The following CNOT6L variants were observed in gnomAD, a reference collection of about 807,000 sequenced individuals.
CNOT6L encodes the protein CCR4-NOT transcription complex subunit 6-like.
Under a neutral mutation model 64.0 loss-of-function variants are expected in CNOT6L, and 7 were observed. The ratio of observed to expected loss-of-function variants is 0.11; its 90% CI spans 0.06 to 0.21. CNOT6L has a LOEUF of 0.21. Among genes scored for constraint, CNOT6L ranks in the 10% least tolerant of loss-of-function variants. The pLI, the probability that CNOT6L is intolerant of heterozygous loss-of-function variation, is 1.00. For missense variants in CNOT6L, 245 were observed against 669.0 expected (o/e 0.37, Z 6.99); for synonymous variants, 193 against 243.4 (o/e 0.79, Z 1.93).
chr4:77,804,603 T>C (rs1008328644), intron 1 of CNOT6L, among the ~76,000 whole-genome samples: 1 of 151,852 alleles, frequency 6.6e-6, no homozygotes, highest in Non-Finnish European at 1.5e-5. Context: ...TGTCAATGGA[T>C]GGGGTAACTG....
intron 9 of CNOT6L, 72 bp downstream of exon 9, chr4:77,731,315 T>G: frequency 2.7e-6 from 4 of 1,460,052 alleles, no homozygotes; most frequent in Non-Finnish European, 3.8e-6. Context: ...CAAAATTCTC[T>G]TCACTTGTTT....
At chr4:77,722,084 G>T (rs1232389040) in intron 11 of CNOT6L, among the ~76,000 whole-genome samples, 1 of 151,988 alleles carries the variant, frequency 6.6e-6, no homozygotes, top group East Asian at 1.9e-4. Context: ...GTCAAAAAAT[G>T]ATAGGATCAT....
chr4:77,743,663 G>A (rs1191182322), intron 7 of CNOT6L, among the ~76,000 whole-genome samples: 1 of 122,350 alleles, frequency 8.2e-6, no homozygotes, highest in Non-Finnish European at 1.6e-5. Flanking sequence ...GTGCAGTGGT[G>A]CAATCTCTGA....
intron 4 of CNOT6L, among the ~76,000 whole-genome samples, chr4:77,762,653 A>C (rs1019066905): frequency 6.6e-6 from 1 of 152,178 alleles, no homozygotes; most frequent in Non-Finnish European, 1.5e-5. Context: ...CATTATATGG[A>C]TGTGCCACAG....
intron 1 of CNOT6L, among the ~76,000 whole-genome samples, chr4:77,814,920 T>C (rs1200305630): frequency 1.3e-5 from 2 of 152,188 alleles, no homozygotes; most frequent in African/African-American, 2.4e-5. Context: ...AAAAGAAAGT[T>C]GTAGTATTTT....
At position 77,786,957 on chromosome 4, in the gene CNOT6L, C is replaced by G. The variant is rs553768165; in HGVS notation, c.6-10565G>C. 9.2e-5 allele frequency among the ~76,000 whole-genome samples: 14 copies of G among 152,002 alleles called. No homozygotes were observed. In the South Asian group the frequency reaches 2.9e-3, roughly 32 times the overall value. ...CATTTTCCTCATGTAAAGAATTTGCCATCCATAAGAGTCTAATAATAAATG... is the reference window on the plus strand; with the variant it reads ...CATTTTCCTCATGTAAAGAATTTGCGATCCATAAGAGTCTAATAATAAATG... On this transcript the variant is annotated intron_variant, in intron 1 of 11. Coordinates refer to ENST00000504123, the MANE Select transcript of CNOT6L (RefSeq NM_144571.3).
At chr4:77,787,955 T>C (rs1449582461) in intron 1 of CNOT6L, among the ~76,000 whole-genome samples, 1 of 152,178 alleles carries the variant, frequency 6.6e-6, no homozygotes, top group East Asian at 1.9e-4. Flanking sequence ...ATATATGCCT[T>C]CAATAAATCC....
intron 4 of CNOT6L, among the ~76,000 whole-genome samples, chr4:77,769,665 T>G (rs1279228793): frequency 6.6e-6 from 1 of 152,172 alleles, no homozygotes; most frequent in Non-Finnish European, 1.5e-5. Context: ...AAATATTGGC[T>G]AATAGGAGAA....
chr4:77,730,040 A>G (rs1288160547), intron 9 of CNOT6L, among the ~76,000 whole-genome samples: 1 of 152,084 alleles, frequency 6.6e-6, no homozygotes, highest in Non-Finnish European at 1.5e-5. Context: ...CCATTGGACT[A>G]TCCGTAAACA....
intron 1 of CNOT6L, among the ~76,000 whole-genome samples, chr4:77,791,121 T>TA (rs1450626793): frequency 1.3e-5 from 2 of 151,396 alleles, no homozygotes; most frequent in African/African-American, 4.9e-5. Context: ...ATACTGAAAA[T>TA]AAAAAAATTA....
At chr4:77,751,476 G>A (rs917068595) in intron 5 of CNOT6L, among the ~76,000 whole-genome samples, 3 of 152,092 alleles carry the variant, frequency 2.0e-5, no homozygotes, top group Non-Finnish European at 4.4e-5. Context: ...AGCTAAAAAA[G>A]TATTCTATGA....
intron 11 of CNOT6L, among the ~76,000 whole-genome samples, chr4:77,723,657 GC>G (rs970368872): frequency 7.9e-5 from 12 of 152,020 alleles, no homozygotes; most frequent in Non-Finnish European, 1.8e-4. Flanking sequence ...TATCCAGCCA[GC>G]CTATTTATCT....
intron 11 of CNOT6L, among the ~76,000 whole-genome samples, chr4:77,721,579 A>G (rs1302318141): frequency 2.6e-5 from 4 of 152,220 alleles, no homozygotes; most frequent in Admixed American, 1.3e-4. Flanking sequence ...AAAACTTTTA[A>G]TGAAAACAAA....
chr4:77,807,045 T>C (rs1049198345), intron 1 of CNOT6L, among the ~76,000 whole-genome samples: 1 of 152,222 alleles, frequency 6.6e-6, no homozygotes, highest in Non-Finnish European at 1.5e-5. Context: ...CCTCACAATC[T>C]TTTGTATTTT....
chr4:77,759,271 C>T lies in CNOT6L; in HGVS notation c.401-2320G>A, dbSNP rs1234261916. Among the ~76,000 whole-genome samples the T allele has an allele frequency of 4.0e-5, 6 of 151,184 alleles. 1 individual carries two copies. Among genetic ancestry groups the T allele is most frequent in the South Asian group, 2.1e-4 (1 of 4,784 alleles). ...AAATGACAAACAGAAGACTTTAAAA[C>T]GAGATGGGTTGTGGCTGGGCACGGT... On this transcript the variant is annotated intron_variant, in intron 4 of 11. Coordinates refer to ENST00000504123, the MANE Select transcript of CNOT6L (RefSeq NM_144571.3).
chr4:77,800,076 AC>A (rs1219776041), intron 1 of CNOT6L, among the ~76,000 whole-genome samples: 1 of 150,034 alleles, frequency 6.7e-6, no homozygotes. Flanking sequence ...AAAAAAAAAA[AC>A]TAATTCAAGA....
intron 1 of CNOT6L, among the ~76,000 whole-genome samples, chr4:77,779,321 A>T (rs987775474): frequency 6.6e-6 from 1 of 152,104 alleles, no homozygotes; most frequent in Non-Finnish European, 1.5e-5. Flanking sequence ...CAGCCAATTA[A>T]CACCCAATGC....
intron 6 of CNOT6L, among the ~76,000 whole-genome samples, chr4:77,746,138 C>T (rs1484891099): frequency 6.6e-6 from 1 of 152,150 alleles, no homozygotes; most frequent in African/African-American, 2.4e-5. Context: ...GGCAGACTGC[C>T]ATTTGCTTCA....
intron 4 of CNOT6L, among the ~76,000 whole-genome samples, chr4:77,759,977 C>G (rs1475662815): frequency 6.6e-6 from 1 of 152,130 alleles, no homozygotes; most frequent in East Asian, 1.9e-4. Context: ...AAACTAGATA[C>G]CAACAGACAA....
Sources: allele counts gnomAD v4.1 joint callset (sites outside exome capture counted in the v4.1 genomes callset), GRCh38; gene constraint gnomAD v4.1.1; transcripts MANE v1.5; gene names NCBI Gene and HGNC (gene_info 2026-07-23, HGNC 2026-07-21).